Variants in TRIM9 observed in about 807,000 individuals in gnomAD.
TRIM9 encodes tripartite motif containing 9.
A neutral mutation model predicts 78.3 loss-of-function variants in TRIM9; 26 were observed. That is an observed-to-expected ratio of 0.33 (90% confidence interval 0.24 to 0.46). The LOEUF (loss-of-function observed/expected upper bound fraction) is 0.46, where lower values mean the gene tolerates loss of function less well. Among genes scored for constraint, TRIM9 ranks in the 20% least tolerant of loss-of-function variants. The probability of loss-of-function intolerance (pLI) is 1.00; values close to 1 mark genes in which losing one functional copy is unlikely to be tolerated. For synonymous variants in TRIM9, 398 were observed against 416.5 expected (o/e 0.96, Z 0.54); for missense variants, 787 against 1,036.4 (o/e 0.76, Z 3.30).
rs1036545032 is a variant in TRIM9 at position 50,985,908 on chromosome 14, C to T, written c.1792+48G>A. On this transcript the variant is annotated intron_variant, in intron 8 of 12. Transcript: ENST00000684578. ...AACAAGACACGCGTTTCAGAGATGC[C>T]TTCAAGGCACAGAGATCAAGGGGAA... is the stretch of plus-strand genomic sequence containing the variant. 3.6e-6 allele frequency: 5 copies of T among 1,388,326 alleles called. No individual in the cohort carries two copies. In the East Asian group the frequency reaches 1.4e-4, roughly 39 times the overall value. The allele number at this position is 1,388,326 out of a possible 1,614,324, so 86.0% of individuals were successfully genotyped here.
chr14:51,016,985 T>C (rs1306019506), intron 3 of TRIM9, among the ~76,000 whole-genome samples: 1 of 152,196 alleles, frequency 6.6e-6, no homozygotes, highest in Non-Finnish European at 1.5e-5. Flanking sequence ...ATGTGTCCCA[T>C]TGTGTCCTAA....
At chr14:51,002,351 G>T (rs139968469) in intron 5 of TRIM9, among the ~76,000 whole-genome samples, 2,061 of 151,794 alleles carry the variant, frequency 0.014, 50 homozygotes, top group African/African-American at 0.048. Flanking sequence ...AGCCAAGATG[G>T]TCTCGATCTA....
At chr14:51,081,771 G>A (rs553056062) in intron 1 of TRIM9, among the ~76,000 whole-genome samples, 1 of 152,232 alleles carries the variant, frequency 6.6e-6, no homozygotes, top group Non-Finnish European at 1.5e-5. Context: ...TATATTTACT[G>A]GTTTATTATG....
chr14:51,029,770 A>G (rs1309594533), intron 1 of TRIM9, among the ~76,000 whole-genome samples: 2 of 137,666 alleles, frequency 1.5e-5, no homozygotes, highest in East Asian at 2.2e-4. Context: ...TGCCGAGAGG[A>G]TACCCCTGAG....
chr14:51,018,785 C>T (rs1248810222), intron 3 of TRIM9, among the ~76,000 whole-genome samples: 1 of 152,194 alleles, frequency 6.6e-6, no homozygotes, highest in African/African-American at 2.4e-5. Context: ...CACATGGAAA[C>T]TGAAAGCTAG....
chr14:51,066,740 G>A (rs1422626621), intron 1 of TRIM9, among the ~76,000 whole-genome samples: 1 of 152,234 alleles, frequency 6.6e-6, no homozygotes, highest in African/African-American at 2.4e-5. Context: ...GAAATGAGGT[G>A]CAGAAAACGG....
chr14:51,009,786 G>C (rs12882222), intron 4 of TRIM9, among the ~76,000 whole-genome samples: 13,341 of 151,632 alleles, frequency 0.088, 686 homozygotes, highest in Middle Eastern at 0.17. Context: ...AGCCAGTTTA[G>C]TAGAGTGTGA....
rs2058973506 is a variant in TRIM9 at position 51,034,354 on chromosome 14, A to G, written c.823-8994T>C. 2.0e-5 allele frequency among the ~76,000 whole-genome samples: 3 copies of G among 152,342 alleles called. No homozygotes were observed. In the South Asian group the frequency reaches 6.2e-4, roughly 32 times the overall value. ...AAAAGAGCAATAAGAAGTTTTTGAA[A>G]AAGGGTCCCTTCTCCTCCACATACT... On this transcript the variant is annotated intron_variant, in intron 1 of 12. Transcript: ENST00000684578.
chr14:51,057,995 C>T (rs2061022523), intron 1 of TRIM9, among the ~76,000 whole-genome samples: 2 of 152,236 alleles, frequency 1.3e-5, no homozygotes, highest in Admixed American at 6.5e-5. Flanking sequence ...CTAACAAACC[C>T]GATTATTTAG....
intron 1 of TRIM9, among the ~76,000 whole-genome samples, chr14:51,050,034 G>A (rs746672021): frequency 1.3e-5 from 2 of 152,010 alleles, no homozygotes; most frequent in African/African-American, 2.4e-5. Flanking sequence ...AGTAAACGAT[G>A]CAGAGCCGTG....
intron 1 of TRIM9, among the ~76,000 whole-genome samples, chr14:51,044,519 C>T (rs1206089491): frequency 6.6e-6 from 1 of 152,154 alleles, no homozygotes; most frequent in African/African-American, 2.4e-5. Flanking sequence ...GCCCTTTCCC[C>T]ATTTTATTCT....
rs2057961306 is a variant in TRIM9 at position 51,023,582 on chromosome 14, T to G, written c.919-625A>C. ...TTGCAGGGGAAAGGCAACTTCATAC[T>G]AAGTGAATTATAGCTTCCCTGTGAT... is the stretch of plus-strand genomic sequence containing the variant. On this transcript the variant is annotated intron_variant, in intron 2 of 12. Transcript: ENST00000684578. Among the ~76,000 whole-genome samples the G allele has an allele frequency of 1.3e-5, 2 of 152,246 alleles. 1 individual carries two copies. The highest frequency in any genetic ancestry group is 4.1e-4 in the South Asian group (2 of 4,838).
intron 1 of TRIM9, chr14:51,090,798 A>C (rs1274017940): frequency 6.6e-6 from 1 of 152,160 alleles, no homozygotes; most frequent in Non-Finnish European, 1.5e-5. Flanking sequence ...GAGTCTCAAC[A>C]TGCTGGTCAG....
intron 2 of TRIM9, among the ~76,000 whole-genome samples, chr14:51,023,473 G>A (rs1451832613): frequency 2.6e-5 from 4 of 152,136 alleles, no homozygotes; most frequent in Non-Finnish European, 5.9e-5. Context: ...TTTCATTAAG[G>A]AAAGCAAATA....
chr14:51,048,710 C>A (rs989064213), intron 1 of TRIM9, among the ~76,000 whole-genome samples: 2 of 151,888 alleles, frequency 1.3e-5, no homozygotes, highest in Non-Finnish European at 2.9e-5. Flanking sequence ...GGGGGCCGGG[C>A]GCAGTGGCTC....
At chr14:50,985,891 ACG>A (rs1323230919) in intron 8 of TRIM9, 63 bp downstream of exon 8, 2 of 1,322,992 alleles carry the variant, frequency 1.5e-6, no homozygotes, top group Non-Finnish European at 2.0e-6. Flanking sequence ...AGAACAAGAC[ACG>A]CGTTTCAGAG....
chr14:51,001,518 C>T (rs1409891962), intron 5 of TRIM9, among the ~76,000 whole-genome samples: 1 of 152,096 alleles, frequency 6.6e-6, no homozygotes, highest in Non-Finnish European at 1.5e-5. Context: ...CGTGAGCCAC[C>T]GCGCCCGGCC....
rs774741667 is a variant in TRIM9 at position 51,010,458 on chromosome 14, A to G, written c.1078T>C (p.Leu360=). 1.6e-5 allele frequency: 26 copies of G among 1,613,872 alleles called. No homozygotes were observed. The highest frequency in any genetic ancestry group is 6.7e-5 in the East Asian group (3 of 44,892). Residue 360 remains leucine (L), a synonymous_variant, in exon 4 of 13, where the codon TTG becomes CTG. Coordinates refer to ENST00000684578, the MANE Select transcript of TRIM9 (RefSeq NM_001387360.1). The part of the protein sequence containing the change: ...RDQISHCTVK[L]RQTTGLMEYC... Reference sequence around the variant, plus strand: ...TCCATGAGACCTGTGGTCTGGCGCAATTTCACTGTGCAGTGAGAGATCTGA... The same window carrying G: ...TCCATGAGACCTGTGGTCTGGCGCAGTTTCACTGTGCAGTGAGAGATCTGA...
intron 1 of TRIM9, among the ~76,000 whole-genome samples, chr14:51,074,983 G>T (rs952454548): frequency 1.3e-5 from 2 of 152,196 alleles, no homozygotes; most frequent in Non-Finnish European, 2.9e-5. Context: ...CTTCACAAAG[G>T]CACAAGCAAC....
Sources: gnomAD v4.1 joint callset for allele counts (sites outside exome capture counted in the v4.1 genomes callset) on GRCh38, gnomAD v4.1.1 for gene constraint, MANE v1.5 for transcripts, NCBI Gene and HGNC (gene_info 2026-07-23, HGNC 2026-07-21) for gene names.